E2F3: variants seen among roughly 807,000 people sequenced by gnomAD.
The protein encoded by E2F3 is transcription factor E2F3.
Under a neutral mutation model 44.4 loss-of-function variants are expected in E2F3, and 11 were observed. The observed-to-expected ratio is 0.25, with a 90% CI of 0.16 to 0.41. The LOEUF (loss-of-function observed/expected upper bound fraction) is 0.41. Among genes scored for constraint, E2F3 ranks in the 10% least tolerant of loss-of-function variants. E2F3 has a pLI of 1.00. For missense variants in E2F3, 487 were observed against 583.6 expected (o/e 0.83, Z 1.70); for synonymous variants, 249 against 253.0 (o/e 0.98, Z 0.15).
chr6:20,401,959 T>G lies in E2F3; in HGVS notation c.-274T>G. On this transcript the variant is annotated 5_prime_UTR_variant, in exon 1 of 7. Coordinates refer to ENST00000346618, the MANE Select transcript of E2F3 (RefSeq NM_001949.5). The stretch of plus-strand genomic sequence containing the variant: ...CCGGGCTGCCGCCGCCGCCTCGCAA[T>G]CCGTTGCATCGGCCGCCCCCGACGC... The G allele has an allele frequency of 2.6e-6, 1 of 386,278 alleles. No homozygotes were observed. The highest frequency in any genetic ancestry group is 4.5e-6 in the Non-Finnish European group (1 of 224,018). The allele number at this position is 386,278 out of a possible 1,614,324, so 23.9% of individuals were successfully genotyped here.
chr6:20,401,916 A>T lies in E2F3; in HGVS notation c.-317A>T. The T allele has an allele frequency of 2.6e-6, 1 of 390,484 alleles. No individual in the cohort carries two copies. Among genetic ancestry groups the T allele is most frequent in the Non-Finnish European group, 4.5e-6 (1 of 222,080 alleles). The allele number at this position is 390,484 out of a possible 1,614,324, so 24.2% of individuals were successfully genotyped here. A position where few individuals can be genotyped will look rare whatever the true frequency, so the allele number is the denominator to read the frequency against. On this transcript the variant is annotated 5_prime_UTR_variant, in exon 1 of 7. Coordinates refer to ENST00000346618, the MANE Select transcript of E2F3 (RefSeq NM_001949.5). ...CAGCAGCTTCCTGGAGCCATTTTTC[A>T]GCTGCCGGCCGCAGCACCCGGGCTG...
At chr6:20,464,385 T>C (rs1761632464) in intron 1 of E2F3, among the ~76,000 whole-genome samples, 1 of 152,194 alleles carries the variant, frequency 6.6e-6, no homozygotes, top group South Asian at 2.1e-4. Context: ...CCTCCTTGCA[T>C]TCCTCAGGTA....
intron 1 of E2F3, among the ~76,000 whole-genome samples, chr6:20,441,314 A>G (rs1760765439): frequency 6.6e-6 from 1 of 152,192 alleles, no homozygotes; most frequent in Non-Finnish European, 1.5e-5. Flanking sequence ...AGTTTCATTC[A>G]TATTGTAGCA....
chr6:20,460,029 C>T (rs1761445593), intron 1 of E2F3, among the ~76,000 whole-genome samples: 1 of 152,186 alleles, frequency 6.6e-6, no homozygotes, highest in African/African-American at 2.4e-5. Context: ...TGGGGGTTCC[C>T]ATTGCTCACT....
intron 1 of E2F3, among the ~76,000 whole-genome samples, chr6:20,406,922 T>C (rs1294579205): frequency 6.6e-6 from 1 of 152,224 alleles, no homozygotes. Flanking sequence ...TTCATCATTT[T>C]CTGCTGCTGC....
At chr6:20,446,462 A>T (rs1472904228) in intron 1 of E2F3, among the ~76,000 whole-genome samples, 1 of 152,246 alleles carries the variant, frequency 6.6e-6, no homozygotes, top group East Asian at 1.9e-4. Context: ...TTTGTATCAT[A>T]CCACAAGTAG....
Position 20,408,532 on chromosome 6 carries a change from A to T in E2F3, c.393+5907A>T, listed in dbSNP as rs1044664703. On this transcript the variant is annotated intron_variant, in intron 1 of 6. Coordinates refer to ENST00000346618, the MANE Select transcript of E2F3 (RefSeq NM_001949.5). The stretch of plus-strand genomic sequence containing the variant: ...CATATTTGTCTACAATATAACTTTT[A>T]AAAAATATAATTTTTGCCCTCAAAT... 5.3e-5 allele frequency among the ~76,000 whole-genome samples: 8 copies of T among 152,348 alleles called. 1 individual carries two copies. The highest frequency in any genetic ancestry group is 1.9e-4 in the East Asian group (1 of 5,192).
At chr6:20,465,850 G>A (rs1761685258) in intron 1 of E2F3, among the ~76,000 whole-genome samples, 1 of 152,068 alleles carries the variant, frequency 6.6e-6, no homozygotes, top group Non-Finnish European at 1.5e-5. Flanking sequence ...CTTGTTGATT[G>A]ATGGGCATTT....
intron 1 of E2F3, among the ~76,000 whole-genome samples, chr6:20,410,384 C>T (rs1581567577): frequency 6.6e-6 from 1 of 152,274 alleles, no homozygotes; most frequent in East Asian, 1.9e-4. Context: ...TGCTCACTAG[C>T]CCTGTGACTT....
In E2F3 at chr6:20,402,304, C is replaced by T; in HGVS notation, c.72C>T (p.Val24=). 1 of 1,607,530 alleles carries T rather than the reference C, an allele frequency of 6.2e-7. No homozygotes were observed. The highest frequency in any genetic ancestry group is 8.5e-7 in the Non-Finnish European group (1 of 1,178,238). The change falls in exon 1 of 7, where the codon GTC becomes GTT. Residue 24 remains valine, a synonymous_variant. Transcript: ENST00000346618. The surrounding 1 kb of genome is among the most constrained non-coding windows in gnomAD (Gnocchi z 5.6). ...CCGGGGGTGGGGAGGGGGCGGCTGT[C>T]GTCGCCGCCGCCGCTGCAGCCTCCA... ...VTAGGGEGAA[V]VAAAAAASMD...
intron 1 of E2F3, among the ~76,000 whole-genome samples, chr6:20,408,391 T>C (rs984954618): frequency 2.1e-4 from 32 of 152,154 alleles, no homozygotes; most frequent in Admixed American, 1.6e-3. Flanking sequence ...GGGAAATTGG[T>C]TTATATTCTG....
Position 20,481,267 on chromosome 6 carries a change from G to A in E2F3, c.567G>A (p.Lys189=). 1 of 1,614,140 alleles carries A rather than the reference G, an allele frequency of 6.2e-7. No homozygotes were observed. Among genetic ancestry groups the A allele is most frequent in the South Asian group, 1.1e-5 (1 of 91,086 alleles). ...CGTCTCTTGGTCTGCTCACCAAGAA[G>A]TTCATTCAGCTCCTGAGCCAGTCAC... ...YDTSLGLLTK[K]FIQLLSQSPD... The change falls in exon 3 of 7, where the codon AAG becomes AAA. Residue 189 remains lysine (K), a synonymous_variant. Transcript: ENST00000346618.
At chr6:20,476,991 AATAT>A (rs565840563) in intron 1 of E2F3, among the ~76,000 whole-genome samples, 1 of 152,160 alleles carries the variant, frequency 6.6e-6, no homozygotes, top group Non-Finnish European at 1.5e-5. Context: ...CACATCGTAA[AATAT>A]ATATATAAAG....
chr6:20,487,003 C>A (rs1762415787), intron 5 of E2F3, among the ~76,000 whole-genome samples, 200 bp downstream of exon 5: 1 of 152,198 alleles, frequency 6.6e-6, no homozygotes, highest in African/African-American at 2.4e-5. Flanking sequence ...TAACTTTGAC[C>A]TAGCAGGATG....
At position 20,402,317 on chromosome 6, in the gene E2F3, G is replaced by A. The variant is rs2127581203; in HGVS notation, c.85G>A (p.Ala29Thr). ...GGGGGCGGCTGTCGTCGCCGCCGCCGCTGCAGCCTCCATGGACAAAAGGGC... is the reference window on the plus strand; with the variant it reads ...GGGGGCGGCTGTCGTCGCCGCCGCCACTGCAGCCTCCATGGACAAAAGGGC... ...GEGAAVVAAA[A>T]AASMDKRALL... Residue 29 changes from alanine to threonine, a missense_variant, in exon 1 of 7, where the codon GCT becomes ACT. Transcript: ENST00000346618. This position sits in a 1 kb window ranked among gnomAD's most constrained non-coding sequence, Gnocchi z 5.6. The A allele has an allele frequency of 6.2e-7, 1 of 1,609,816 alleles. No individual in the cohort carries two copies. The highest frequency in any genetic ancestry group is 8.5e-7 in the Non-Finnish European group (1 of 1,178,994).
chr6:20,477,498 T>G (rs1226911091), intron 1 of E2F3, among the ~76,000 whole-genome samples: 1 of 152,116 alleles, frequency 6.6e-6, no homozygotes, highest in African/African-American at 2.4e-5. Flanking sequence ...GAGCTGGGCT[T>G]TGCCTGAGTG....
At chr6:20,470,361 G>T (rs1257362757) in intron 1 of E2F3, among the ~76,000 whole-genome samples, 2 of 152,322 alleles carry the variant, frequency 1.3e-5, no homozygotes, top group East Asian at 3.9e-4. Context: ...GCAGGGCTTG[G>T]TACATAGCAG....
intron 1 of E2F3, among the ~76,000 whole-genome samples, chr6:20,435,173 T>C (rs1212499778): frequency 1.3e-5 from 2 of 152,202 alleles, no homozygotes; most frequent in African/African-American, 4.8e-5. Flanking sequence ...AGACTCAAGT[T>C]TGGTGATCAC....
chr6:20,421,595 T>C (rs928411013), intron 1 of E2F3: 1 of 152,246 alleles, frequency 6.6e-6, no homozygotes, highest in Admixed American at 6.5e-5. Flanking sequence ...GGGCTTAAAA[T>C]AGTCAGTAAA....
Sources: allele counts gnomAD v4.1 joint callset (sites outside exome capture counted in the v4.1 genomes callset), GRCh38; gene constraint gnomAD v4.1.1; non-coding constraint Gnocchi (gnomAD v3.1); transcripts MANE v1.5; gene names NCBI Gene and HGNC (gene_info 2026-07-23, HGNC 2026-07-21).